CNTNAP2: variants seen among roughly 807,000 people sequenced by gnomAD.
The protein encoded by CNTNAP2 is contactin associated protein 2, also known as contactin-associated protein-like 2.
A neutral mutation model predicts 155.2 loss-of-function variants in CNTNAP2; 98 were observed. The ratio of observed to expected loss-of-function variants is 0.63; its 90% CI spans 0.54 to 0.75. CNTNAP2 has a LOEUF of 0.75. Ranked by LOEUF, CNTNAP2 falls within the 30% of genes least tolerant of loss-of-function variation. The probability of loss-of-function intolerance (pLI) is 0.00; values close to 1 mark genes in which losing one functional copy is unlikely to be tolerated. For missense variants in CNTNAP2, 1,727 were observed against 1,688.1 expected, an observed-to-expected ratio of 1.02 and a Z score of -0.40; for synonymous variants, 651 against 631.2, an observed-to-expected ratio of 1.03 and a Z score of -0.47.
chr7:147,753,453 C>T (rs970239584), intron 13 of CNTNAP2, among the ~76,000 whole-genome samples: 67 of 152,048 alleles, frequency 4.4e-4, no homozygotes, highest in African/African-American at 1.3e-3. Flanking sequence ...AAAAATTATA[C>T]GCAGACTAAA....
At position 146,968,762 on chromosome 7, in the gene CNTNAP2, T is replaced by C. The variant is rs906418227; in HGVS notation, c.403-75145T>C. Among the ~76,000 whole-genome samples, 24 of 151,558 alleles carry C rather than the reference T, an allele frequency of 1.6e-4. No homozygotes were observed. The East Asian group carries it at 4.1e-3, about 26-fold the overall frequency. On this transcript the variant is annotated intron_variant, in intron 3 of 23. Transcript: ENST00000361727. ...TTTGTTGATCCTTTCAAAAAACCAG[T>C]TCCTGGATTCATTAATTTTTTGAAG...
At chr7:147,136,771 C>T (rs1801488549) in intron 8 of CNTNAP2, among the ~76,000 whole-genome samples, 2 of 151,884 alleles carry the variant, frequency 1.3e-5, no homozygotes, top group African/African-American at 4.8e-5. Context: ...ATGAGACATC[C>T]TTTTCATCAT....
intron 1 of CNTNAP2, among the ~76,000 whole-genome samples, chr7:146,272,691 T>C (rs1800101048): frequency 1.3e-5 from 2 of 152,130 alleles, no homozygotes; most frequent in African/African-American, 4.8e-5. Flanking sequence ...CACATCCACA[T>C]ACAAATATGT....
At chr7:148,013,588 A>G (rs10264877) in intron 15 of CNTNAP2, among the ~76,000 whole-genome samples, 52,409 of 152,030 alleles carry the variant, frequency 0.34, 9,817 homozygotes, top group East Asian at 0.74. Context: ...CCTCTTGTGT[A>G]TTATTGGCCA....
At chr7:146,414,696 A>G (rs1795912457) in intron 1 of CNTNAP2, among the ~76,000 whole-genome samples, 1 of 152,116 alleles carries the variant, frequency 6.6e-6, no homozygotes, top group South Asian at 2.1e-4. Flanking sequence ...TATTGTGGCA[A>G]AAATGCTGGG....
intron 1 of CNTNAP2, among the ~76,000 whole-genome samples, chr7:146,687,801 T>A (rs1476246346): frequency 6.6e-6 from 1 of 152,168 alleles, no homozygotes; most frequent in African/African-American, 2.4e-5. Flanking sequence ...TGAGCAAAAC[T>A]TTCTTTGCTT....
intron 13 of CNTNAP2, among the ~76,000 whole-genome samples, chr7:147,665,046 T>C (rs1795672057): frequency 1.3e-5 from 2 of 152,166 alleles, no homozygotes; most frequent in African/African-American, 4.8e-5. Context: ...AAAGTTTGAT[T>C]GCTTTTCACA....
chr7:148,217,003 A>G (rs1476734411), intron 18 of CNTNAP2, among the ~76,000 whole-genome samples: 3 of 152,066 alleles, frequency 2.0e-5, no homozygotes, highest in African/African-American at 7.3e-5. Context: ...AGCCATATGG[A>G]GCTGTGAGTC....
chr7:148,085,474 A>G (rs531132135), intron 15 of CNTNAP2, among the ~76,000 whole-genome samples: 1 of 152,330 alleles, frequency 6.6e-6, no homozygotes, highest in South Asian at 2.1e-4. Flanking sequence ...CATACATATT[A>G]CATATACACC....
intron 1 of CNTNAP2, among the ~76,000 whole-genome samples, chr7:146,605,892 T>C (rs987568384): frequency 6.6e-6 from 1 of 152,172 alleles, no homozygotes; most frequent in Non-Finnish European, 1.5e-5. Context: ...TATGAATCTA[T>C]GGAATTTAGT....
At chr7:147,118,446 G>A (rs1801032778) in intron 5 of CNTNAP2, among the ~76,000 whole-genome samples, 2 of 152,126 alleles carry the variant, frequency 1.3e-5, no homozygotes, top group South Asian at 4.1e-4. Context: ...TAATTGTATG[G>A]GGAAATATAT....
intron 21 of CNTNAP2, among the ~76,000 whole-genome samples, chr7:148,337,020 A>G (rs1798127714): frequency 5.4e-5 from 2 of 37,218 alleles, no homozygotes; most frequent in Admixed American, 7.2e-4. Context: ...TAGGCAACAT[A>G]TATAGGAAGG....
At chr7:147,072,229 T>C (rs952625851) in intron 4 of CNTNAP2, among the ~76,000 whole-genome samples, 2 of 151,992 alleles carry the variant, frequency 1.3e-5, no homozygotes, top group African/African-American at 4.8e-5. Flanking sequence ...CTGGTGTGGC[T>C]GCAGCACCGA....
rs1236921004 is a variant in CNTNAP2, at chr7:148,229,524, AAAAAGAAAGAAAAG to A, written c.3248-112_3248-99del. 5.2e-6 allele frequency: 7 copies of A among 1,353,084 alleles called. No individual in the cohort carries two copies. The African/African-American group carries it at 7.3e-5, about 14-fold the overall frequency. The allele number at this position is 1,353,084 out of a possible 1,614,324, so 83.8% of individuals were successfully genotyped here. A position where few individuals can be genotyped will look rare whatever the true frequency, so the allele number is the denominator to read the frequency against. ...TGGGCAAGAGCAAGACTCCGTCAAAAAAAAGAAAGAAAAGAAAAGAAAGGAAGAAAGAAAGAATC... is the reference window on the plus strand; with the variant it reads ...TGGGCAAGAGCAAGACTCCGTCAAAAAAAAGAAAGGAAGAAAGAAAGAATC... On this transcript the variant is annotated intron_variant, in intron 19 of 23. Transcript: ENST00000361727.
intron 15 of CNTNAP2, among the ~76,000 whole-genome samples, chr7:148,036,602 G>T (rs1039073732): frequency 6.6e-6 from 1 of 151,948 alleles, no homozygotes; most frequent in Non-Finnish European, 1.5e-5. Context: ...CCAAAGGGAC[G>T]TTTTCATTCC....
At chr7:148,124,125 G>T (rs537905035) in intron 16 of CNTNAP2, among the ~76,000 whole-genome samples, 1 of 152,298 alleles carries the variant, frequency 6.6e-6, no homozygotes, top group African/African-American at 2.4e-5. Flanking sequence ...AAGGAGCAAG[G>T]TCCCCATGGC....
chr7:147,963,834 T>G (rs1466444109), intron 14 of CNTNAP2, among the ~76,000 whole-genome samples: 1 of 152,114 alleles, frequency 6.6e-6, no homozygotes, highest in Non-Finnish European at 1.5e-5. Context: ...ACCCATGAAA[T>G]TATCACCCAG....
chr7:147,441,846 T>TCTCC (rs1554485015), intron 10 of CNTNAP2, among the ~76,000 whole-genome samples: 26 of 117,142 alleles, frequency 2.2e-4, no homozygotes, highest in African/African-American at 8.0e-4. Flanking sequence ...TCTCTCTCTC[T>TCTCC]CTCTCCCTCC....
At chr7:147,093,240 CAAAAAAAAAAA>C (rs530286124) in intron 4 of CNTNAP2, among the ~76,000 whole-genome samples, 1 of 54,350 alleles carries the variant, frequency 1.8e-5, no homozygotes, top group Admixed American at 2.1e-4. Flanking sequence ...GACTCCATCT[CAAAAAAAAAAA>C]AAAAAAAAGA....
Sources: allele counts gnomAD v4.1 joint callset (sites outside exome capture counted in the v4.1 genomes callset), GRCh38; gene constraint gnomAD v4.1.1; transcripts MANE v1.5; gene names NCBI Gene and HGNC (gene_info 2026-07-23, HGNC 2026-07-21).